VAT1L: variants seen among roughly 807,000 people sequenced by gnomAD.
VAT1L encodes vesicle amine transport 1 like.
A neutral mutation model predicts 44.1 loss-of-function variants in VAT1L; 34 were observed. That is an observed-to-expected ratio of 0.77 (90% CI 0.59 to 1.03). The LOEUF is 1.03. VAT1L is among the 50% of genes least tolerant of loss of function. The pLI is 0.00. For missense variants in VAT1L, 615 were observed against 538.8 expected, an observed-to-expected ratio of 1.14 and a Z score of -1.40; for synonymous variants, 253 against 202.2, an observed-to-expected ratio of 1.25 and a Z score of -2.13.
intron 1 of VAT1L, among the ~76,000 whole-genome samples, chr16:77,799,431 C>T (rs1271329883): frequency 6.6e-6 from 1 of 151,886 alleles, no homozygotes. Context: ...TTGACCACAC[C>T]TGTGCCTCAT....
chr16:77,919,508 A>G (rs1313721882), intron 7 of VAT1L, among the ~76,000 whole-genome samples: 2 of 152,232 alleles, frequency 1.3e-5, no homozygotes, highest in Non-Finnish European at 2.9e-5. Flanking sequence ...GAGCTGGGGT[A>G]GGATGAATGA....
intron 3 of VAT1L, among the ~76,000 whole-genome samples, chr16:77,832,943 A>G (rs941905730): frequency 6.6e-6 from 1 of 152,210 alleles, no homozygotes; most frequent in Non-Finnish European, 1.5e-5. Context: ...AGCAGAAAAG[A>G]CAAAACCATC....
chr16:77,949,837 G>A (rs1407784186), intron 7 of VAT1L, among the ~76,000 whole-genome samples: 1 of 152,210 alleles, frequency 6.6e-6, no homozygotes, highest in Non-Finnish European at 1.5e-5. Context: ...TAATACAGCA[G>A]GTGAGGCTGC....
intron 7 of VAT1L, among the ~76,000 whole-genome samples, chr16:77,924,168 C>T (rs889646634): frequency 2.0e-5 from 3 of 152,096 alleles, no homozygotes; most frequent in Non-Finnish European, 2.9e-5. Context: ...CAGACACCCC[C>T]GAGTCAATGT....
chr16:77,789,611 G>T (rs540972785), intron 1 of VAT1L, among the ~76,000 whole-genome samples: 63 of 152,228 alleles, frequency 4.1e-4, no homozygotes, highest in African/African-American at 1.3e-3. Flanking sequence ...TCGGTACCTT[G>T]CACCCAGGCT....
chr16:77,902,913 C>T (rs1386238154), intron 7 of VAT1L, among the ~76,000 whole-genome samples: 1 of 143,080 alleles, frequency 7.0e-6, no homozygotes, highest in South Asian at 2.2e-4. Context: ...GCTGAGATTT[C>T]AGTGAGCTGA....
chr16:77,853,565 G>A (rs957508400), intron 3 of VAT1L, among the ~76,000 whole-genome samples: 4 of 152,042 alleles, frequency 2.6e-5, no homozygotes, highest in African/African-American at 9.7e-5. Context: ...GATTTACCAT[G>A]ATGATTTATG....
At chr16:77,816,432 T>G (rs1027455667) in intron 1 of VAT1L, among the ~76,000 whole-genome samples, 1 of 152,034 alleles carries the variant, frequency 6.6e-6, no homozygotes, top group Non-Finnish European at 1.5e-5. Flanking sequence ...TGAGGAGAGG[T>G]GGTTGGTTGT....
intron 7 of VAT1L, among the ~76,000 whole-genome samples, chr16:77,924,936 A>G (rs1276089427): frequency 6.6e-6 from 1 of 152,184 alleles, no homozygotes; most frequent in Non-Finnish European, 1.5e-5. Context: ...TTTCTTTCCA[A>G]ATACATGGCC....
intron 1 of VAT1L, among the ~76,000 whole-genome samples, chr16:77,799,182 T>G (rs1480859980): frequency 6.6e-6 from 1 of 150,880 alleles, no homozygotes; most frequent in Non-Finnish European, 1.5e-5. Context: ...CCCCTGGAGA[T>G]CTCTCTCCCT....
chr16:77,973,627 G>C (rs1291922064), intron 8 of VAT1L, among the ~76,000 whole-genome samples: 1 of 148,452 alleles, frequency 6.7e-6, no homozygotes, highest in Non-Finnish European at 1.5e-5. Context: ...AGTGTTTCTT[G>C]TTTCTTCATT....
chr16:77,823,047 T>C (rs2016478043), intron 2 of VAT1L, among the ~76,000 whole-genome samples: 1 of 152,054 alleles, frequency 6.6e-6, no homozygotes, highest in Non-Finnish European at 1.5e-5. Flanking sequence ...TTATACTATA[T>C]CATCCTGTAG....
In VAT1L at chr16:77,788,887, G is replaced by T; in HGVS notation, c.205G>T (p.Gly69Cys). The change falls in exon 1 of 9, where the codon GGC becomes TGC. Residue 69 changes from glycine (G) to cysteine (C), a missense_variant. Physicochemically the swap from Gly to Cys is radical, Grantham distance 159. Coordinates refer to ENST00000302536, the MANE Select transcript of VAT1L (RefSeq NM_020927.3). ...GAAGGCCATGCCCGAGCCTCAGGAC[G>T]GCGAGCTCAAGATCCGCGTCAAAGC... Reference protein sequence around the residue: ...FRKAMPEPQDGELKIRVKACG... With the variant: ...FRKAMPEPQDCELKIRVKACG... The T allele has an allele frequency of 1.3e-6, 2 of 1,547,140 alleles. No individual in the cohort carries two copies. The highest frequency in any genetic ancestry group is 8.7e-7 in the Non-Finnish European group (1 of 1,148,578).
intron 1 of VAT1L, among the ~76,000 whole-genome samples, chr16:77,804,847 G>A (rs1435120989): frequency 6.6e-6 from 1 of 152,174 alleles, no homozygotes; most frequent in Non-Finnish European, 1.5e-5. Context: ...TTTTCTCCCA[G>A]TTTCCTCCCA....
chr16:77,936,254 C>T (rs1052719780), intron 7 of VAT1L, among the ~76,000 whole-genome samples: 2 of 152,194 alleles, frequency 1.3e-5, no homozygotes, highest in Admixed American at 1.3e-4. Flanking sequence ...TGTCCATCTT[C>T]AGCTATATTT....
At position 77,975,863 on chromosome 16, in the gene VAT1L, G is replaced by A. The variant is rs78842687; in HGVS notation, c.1162-1734G>A. On this transcript the variant is annotated intron_variant, in intron 8 of 8. Transcript: ENST00000302536. ...CATCTGACCAGTGCCCCAGAGAATAGAGGTGGCCTTTCCTGAAGGCTACTG... is the reference window on the plus strand; with the variant it reads ...CATCTGACCAGTGCCCCAGAGAATAAAGGTGGCCTTTCCTGAAGGCTACTG... 6.0e-3 allele frequency among the ~76,000 whole-genome samples: 919 copies of A among 152,336 alleles called. 11 individuals are homozygous for A. Among genetic ancestry groups the A allele is most frequent in the African/African-American group, 0.021 (856 of 41,584 alleles).
chr16:77,950,764 T>C (rs2018032898), intron 7 of VAT1L, among the ~76,000 whole-genome samples: 1 of 152,212 alleles, frequency 6.6e-6, no homozygotes, highest in African/African-American at 2.4e-5. Flanking sequence ...CTTTATTCCA[T>C]TTCTTTAATT....
chr16:77,811,713 A>AT (rs1436409340), intron 1 of VAT1L, among the ~76,000 whole-genome samples: 4 of 152,204 alleles, frequency 2.6e-5, no homozygotes, highest in African/African-American at 9.6e-5. Flanking sequence ...CAAGACAAAA[A>AT]TAAAGGCACC....
chr16:77,802,546 A>G (rs1175939243), intron 1 of VAT1L, among the ~76,000 whole-genome samples: 2 of 151,794 alleles, frequency 1.3e-5, no homozygotes, highest in Admixed American at 1.3e-4. Flanking sequence ...CCCAGGAGGC[A>G]GAGGTGGCAG....
Sources: gnomAD v4.1 joint callset for allele counts (sites outside exome capture counted in the v4.1 genomes callset) on GRCh38, gnomAD v4.1.1 for gene constraint, MANE v1.5 for transcripts, NCBI Gene and HGNC (gene_info 2026-07-23, HGNC 2026-07-21) for gene names.